The following DCDC1 variants were observed in gnomAD, a reference collection of about 807,000 sequenced individuals.
The protein encoded by DCDC1 is doublecortin domain-containing protein 1.
Under a neutral mutation model 178.3 loss-of-function variants are expected in DCDC1, and 200 were observed. The ratio of observed to expected loss-of-function variants is 1.12; its 90% confidence interval spans 1.00 to 1.26. The LOEUF (loss-of-function observed/expected upper bound fraction) is 1.26. Among genes scored for constraint, DCDC1 ranks in the 50% most tolerant of loss-of-function variants. The probability of loss-of-function intolerance (pLI) is 0.00; values close to 1 mark genes in which losing one functional copy is unlikely to be tolerated. For synonymous variants in DCDC1, 690 were observed against 604.8 expected, an observed-to-expected ratio of 1.14 and a Z score of -2.07; for missense variants, 1,983 against 1,749.2, an observed-to-expected ratio of 1.13 and a Z score of -2.38.
intron 20 of DCDC1, among the ~76,000 whole-genome samples, chr11:30,961,664 C>T (rs1285413298): frequency 6.6e-6 from 1 of 151,768 alleles, no homozygotes; most frequent in East Asian, 1.9e-4. Context: ...GGATATTATT[C>T]ATACGGGTAC....
At chr11:30,945,015 T>C (rs890216749) in intron 21 of DCDC1, among the ~76,000 whole-genome samples, 1 of 142,704 alleles carries the variant, frequency 7.0e-6, no homozygotes, top group Non-Finnish European at 1.5e-5. Context: ...GTCTCCCAGG[T>C]TGGAGTGCAG....
intron 29 of DCDC1, among the ~76,000 whole-genome samples, chr11:30,907,978 C>T (rs1945187657): frequency 6.6e-6 from 1 of 152,014 alleles, no homozygotes; most frequent in South Asian, 2.1e-4. Flanking sequence ...AAAGTTCTTC[C>T]TTCTATTAAA....
chr11:31,312,840 A>G (rs1948849925), intron 3 of DCDC1: 1 of 151,958 alleles, frequency 6.6e-6, no homozygotes, highest in African/African-American at 2.4e-5. Flanking sequence ...TCCTATGTAC[A>G]TATATAATAT....
At chr11:31,142,737 T>A (rs1443602339) in intron 9 of DCDC1, among the ~76,000 whole-genome samples, 1 of 152,180 alleles carries the variant, frequency 6.6e-6, no homozygotes, top group Non-Finnish European at 1.5e-5. Flanking sequence ...TAATAATTGT[T>A]AAATACCTAC....
intron 17 of DCDC1, among the ~76,000 whole-genome samples, chr11:31,088,628 T>C (rs980717612): frequency 6.6e-6 from 1 of 152,178 alleles, no homozygotes; most frequent in African/African-American, 2.4e-5. Context: ...TTCTACATAT[T>C]ATCTCCACAA....
intron 18 of DCDC1, among the ~76,000 whole-genome samples, chr11:31,065,835 A>G (rs1185386908): frequency 6.6e-6 from 1 of 152,164 alleles, no homozygotes; most frequent in Non-Finnish European, 1.5e-5. Flanking sequence ...AAAATCTGTC[A>G]CTGCTCATCA....
intron 20 of DCDC1, among the ~76,000 whole-genome samples, chr11:31,041,464 T>G (rs968230775): frequency 3.3e-5 from 5 of 152,210 alleles, no homozygotes; most frequent in Non-Finnish European, 7.3e-5. Flanking sequence ...ATTGATTTAC[T>G]TAATCACATC....
chr11:31,077,833 G>A (rs750141906), intron 18 of DCDC1, 32 bp downstream of exon 18: 1 of 762,714 alleles, frequency 1.3e-6, no homozygotes, highest in South Asian at 1.4e-5. Flanking sequence ...GAAAAACTTA[G>A]GCATAAAAGC....
intron 20 of DCDC1, among the ~76,000 whole-genome samples, chr11:31,048,205 T>C (rs1464742494): frequency 6.6e-6 from 1 of 152,206 alleles, no homozygotes; most frequent in East Asian, 1.9e-4. Context: ...CCATCTCTCC[T>C]TATAAGTGCT....
intron 9 of DCDC1, among the ~76,000 whole-genome samples, chr11:31,158,353 G>A (rs1426599058): frequency 2.2e-4 from 33 of 151,620 alleles, no homozygotes; most frequent in Non-Finnish European, 3.7e-4. Context: ...TCCTGACCTT[G>A]TGATCTGCCC....
chr11:31,008,669 T>G (rs919888331), intron 20 of DCDC1, among the ~76,000 whole-genome samples: 1 of 152,170 alleles, frequency 6.6e-6, no homozygotes, highest in Non-Finnish European at 1.5e-5. Context: ...AAACTACCTA[T>G]TTTACAAAGA....
intron 6 of DCDC1, among the ~76,000 whole-genome samples, chr11:31,294,798 A>AAAAGAAAGAAAGAAGG (rs1947521037): frequency 4.8e-5 from 6 of 125,232 alleles, no homozygotes; most frequent in Admixed American, 8.2e-5. Flanking sequence ...AAAATAAAGA[A>AAAAGAAAGAAAGAAGG]AAAGAAAGAA....
intron 20 of DCDC1, among the ~76,000 whole-genome samples, chr11:31,062,756 G>C (rs1008680158): frequency 6.6e-6 from 1 of 151,628 alleles, no homozygotes; most frequent in Admixed American, 6.6e-5. Context: ...ATGTAATTTA[G>C]TAATATAAAA....
At chr11:31,183,344 G>C (rs1397923892) in intron 9 of DCDC1, among the ~76,000 whole-genome samples, 1 of 152,096 alleles carries the variant, frequency 6.6e-6, no homozygotes, top group Non-Finnish European at 1.5e-5. Context: ...CACATAATTG[G>C]AAGTAAAACA....
In DCDC1 at chr11:30,863,838, T is replaced by C. The variant is rs562341556; in HGVS notation, c.*1535A>G. On this transcript the variant is annotated 3_prime_UTR_variant, in exon 39 of 39. Transcript: ENST00000684477. ...ACATCCACAGTTCTGTGCACAAACA[T>C]TTTTTGGGCTGGGTGTGGTGGCTTA... The C allele has an allele frequency of 2.0e-5, 3 of 152,278 alleles. No homozygotes were observed. The highest frequency in any genetic ancestry group is 4.4e-5 in the Non-Finnish European group (3 of 68,014). 9.4% of individuals were successfully genotyped at this position (152,278 alleles called of 1,614,324 possible). A position where few individuals can be genotyped will look rare whatever the true frequency, so the allele number is the denominator to read the frequency against.
At chr11:31,068,060 A>G (rs1335910150) in intron 18 of DCDC1, among the ~76,000 whole-genome samples, 1 of 152,202 alleles carries the variant, frequency 6.6e-6, no homozygotes, top group African/African-American at 2.4e-5. Context: ...AAATTTTTCA[A>G]TTAAAACAGT....
At chr11:31,219,104 C>CACAT (rs1304888591) in intron 9 of DCDC1, among the ~76,000 whole-genome samples, 9 of 151,898 alleles carry the variant, frequency 5.9e-5, no homozygotes, top group Non-Finnish European at 1.0e-4. Flanking sequence ...CACACACTCT[C>CACAT]ACATACATAC....
At chr11:31,178,299 T>C (rs1447367086) in intron 9 of DCDC1, among the ~76,000 whole-genome samples, 1 of 152,108 alleles carries the variant, frequency 6.6e-6, no homozygotes, top group African/African-American at 2.4e-5. Flanking sequence ...GAAAAGAAAA[T>C]CTTGTCAATA....
At chr11:31,219,855 C>A (rs375760125) in intron 9 of DCDC1, among the ~76,000 whole-genome samples, 1 of 152,052 alleles carries the variant, frequency 6.6e-6, no homozygotes, top group African/African-American at 2.4e-5. Context: ...CACAACAATC[C>A]TATTATTAAC....
Sources: allele counts gnomAD v4.1 joint callset (sites outside exome capture counted in the v4.1 genomes callset), GRCh38; gene constraint gnomAD v4.1.1; transcripts MANE v1.5; gene names NCBI Gene and HGNC (gene_info 2026-07-23, HGNC 2026-07-21).